The following ZMYM5 variants were observed in gnomAD, a reference collection of about 807,000 sequenced individuals.
The protein encoded by ZMYM5 is zinc finger MYM-type protein 5.
A neutral mutation model predicts 61.8 loss-of-function variants in ZMYM5; 41 were observed. The observed-to-expected ratio is 0.66, with a 90% CI of 0.52 to 0.86. The LOEUF (loss-of-function observed/expected upper bound fraction) is 0.86. Among genes scored for constraint, ZMYM5 ranks in the 40% least tolerant of loss-of-function variants. ZMYM5 has a pLI of 0.00. For missense variants in ZMYM5, 706 were observed against 786.7 expected (o/e 0.90, Z 1.23); for synonymous variants, 257 against 276.4 (o/e 0.93, Z 0.70).
intron 2 of ZMYM5, among the ~76,000 whole-genome samples, chr13:19,853,870 C>T (rs1953409140): frequency 6.6e-6 from 1 of 151,968 alleles, no homozygotes; most frequent in East Asian, 1.9e-4. Flanking sequence ...GTGTGAGCTA[C>T]CAGGCCTGGC....
At chr13:19,847,616 T>C (rs1191047849) in intron 4 of ZMYM5, among the ~76,000 whole-genome samples, 2 of 151,802 alleles carry the variant, frequency 1.3e-5, no homozygotes, top group East Asian at 3.9e-4. Context: ...TGGGTAATTA[T>C]TGTGAAATGA....
intron 4 of ZMYM5, among the ~76,000 whole-genome samples, chr13:19,840,430 G>C (rs1952827224): frequency 1.3e-5 from 2 of 152,228 alleles, no homozygotes; most frequent in Non-Finnish European, 2.9e-5. Flanking sequence ...CTGAAGTGCA[G>C]TGGCATGATC....
intron 2 of ZMYM5, among the ~76,000 whole-genome samples, chr13:19,856,980 C>G (rs1953537929): frequency 6.6e-6 from 1 of 152,028 alleles, no homozygotes; most frequent in Non-Finnish European, 1.5e-5. Context: ...GTGGTGGGCG[C>G]CTGTAGTCCC....
chr13:19,831,181 CA>C (rs1891197484), intron 7 of ZMYM5, among the ~76,000 whole-genome samples: 1 of 149,398 alleles, frequency 6.7e-6, no homozygotes, highest in South Asian at 2.1e-4. Context: ...GGCTGGAGTG[CA>C]ATGTCATAAT....
chr13:19,824,702 G>T lies in ZMYM5; in HGVS notation c.1785C>A (p.Leu595=). ...KDSVFCLYCK[L]FGEGKNQLKN... ...TCAGTTGATTTTTTCCTTCCCCAAAGAGTTTGCAATATAGACAAAACACAG... is the reference window on the plus strand; with the variant it reads ...TCAGTTGATTTTTTCCTTCCCCAAATAGTTTGCAATATAGACAAAACACAG... Residue 595 remains leucine (L), a synonymous_variant, in exon 8 of 8, where the codon CTC becomes CTA. Transcript: ENST00000337963. 2 of 1,352,758 alleles carry T rather than the reference G, an allele frequency of 1.5e-6. No homozygotes were observed. Among genetic ancestry groups the T allele is most frequent in the Non-Finnish European group, 9.8e-7 (1 of 1,015,616 alleles). 83.8% of individuals were successfully genotyped at this position (1,352,758 alleles called of 1,614,324 possible). A position where few individuals can be genotyped will look rare whatever the true frequency, so the allele number is the denominator to read the frequency against.
chr13:19,828,741 A>T (rs1891053510), intron 7 of ZMYM5, among the ~76,000 whole-genome samples: 1 of 152,172 alleles, frequency 6.6e-6, no homozygotes, highest in South Asian at 2.1e-4. Context: ...TTGGTAATTG[A>T]TTGGCTCTAG....
At chr13:19,851,188 C>T (rs1953278875) in intron 4 of ZMYM5, among the ~76,000 whole-genome samples, 167 bp downstream of exon 4, 1 of 152,170 alleles carries the variant, frequency 6.6e-6, no homozygotes, top group Admixed American at 6.6e-5. Context: ...GTACTCCAGC[C>T]AGCCTGGGTG....
intron 7 of ZMYM5, among the ~76,000 whole-genome samples, chr13:19,833,348 T>C (rs1322157572): frequency 6.6e-6 from 1 of 152,188 alleles, no homozygotes; most frequent in Non-Finnish European, 1.5e-5. Context: ...GCTCATTTAT[T>C]TCCACACAAA....
intron 4 of ZMYM5, among the ~76,000 whole-genome samples, chr13:19,850,568 T>G (rs1173167680): frequency 6.6e-6 from 1 of 151,712 alleles, no homozygotes; most frequent in African/African-American, 2.4e-5. Flanking sequence ...GCCATTGCAC[T>G]CCAGCCTGGG....
intron 7 of ZMYM5, among the ~76,000 whole-genome samples, chr13:19,825,850 G>A (rs1202515537): frequency 6.6e-6 from 1 of 151,966 alleles, no homozygotes; most frequent in Non-Finnish European, 1.5e-5. Context: ...AAACCAGCGT[G>A]GCAAATATGG....
intron 4 of ZMYM5, among the ~76,000 whole-genome samples, chr13:19,845,219 A>G (rs1276461584): frequency 6.6e-6 from 1 of 152,226 alleles, no homozygotes; most frequent in African/African-American, 2.4e-5. Context: ...GAGGTCAAGA[A>G]CAAAATAAGG....
At chr13:19,848,221 G>C (rs1953154112) in intron 4 of ZMYM5, among the ~76,000 whole-genome samples, 4 of 151,974 alleles carry the variant, frequency 2.6e-5, no homozygotes, top group Admixed American at 2.6e-4. Context: ...CTGACCTCAG[G>C]TGATCCGACA....
At chr13:19,828,181 G>A (rs756892434) in intron 7 of ZMYM5, among the ~76,000 whole-genome samples, 1 of 151,228 alleles carries the variant, frequency 6.6e-6, no homozygotes, top group Non-Finnish European at 1.5e-5. Flanking sequence ...AGTAAAAAAT[G>A]CAGAGGTGTG....
intron 7 of ZMYM5, among the ~76,000 whole-genome samples, chr13:19,832,814 G>C (rs1593852855): frequency 6.6e-6 from 1 of 151,868 alleles, no homozygotes; most frequent in Admixed American, 6.6e-5. Context: ...GCCCAGGGTG[G>C]AGTGTAATGG....
intron 7 of ZMYM5, among the ~76,000 whole-genome samples, chr13:19,828,310 C>T (rs1256613900): frequency 2.0e-5 from 3 of 151,994 alleles, no homozygotes; most frequent in Admixed American, 6.6e-5. Flanking sequence ...CCTGTTTCTA[C>T]TAAAAATACA....
chr13:19,837,725 T>G lies in ZMYM5; in HGVS notation c.969A>C (p.Glu323Asp), dbSNP rs776302864. ...FYSTSCLSPC[E>D]NNWNLKKGVF... ...CTCCTTTTTTAAGATTCCAGTTGTT[T>G]TCACAGGGAGACAAACAAGATGTAC... Residue 323 changes from glutamate to aspartate, a missense_variant, in exon 6 of 8, where the codon GAA (glutamate) becomes GAC (aspartate). Glu to Asp is a conservative substitution (Grantham distance 45). Around this residue, in one of 2 missense-constraint regions of ZMYM5, gnomAD observed 480 missense variants for 461.7 expected, o/e 1.04. Transcript: ENST00000337963. The G allele has an allele frequency of 6.3e-7, 1 of 1,580,134 alleles. No homozygotes were observed. The highest frequency in any genetic ancestry group is 2.3e-5 in the East Asian group (1 of 44,402).
At chr13:19,852,985 C>T (rs1953369869) in intron 2 of ZMYM5, among the ~76,000 whole-genome samples, 2 of 152,248 alleles carry the variant, frequency 1.3e-5, no homozygotes, top group South Asian at 4.1e-4. Context: ...GTAGGTAGGA[C>T]TACAGGCTCT....
intron 7 of ZMYM5, among the ~76,000 whole-genome samples, chr13:19,834,403 T>C (rs567198914): frequency 6.6e-6 from 1 of 151,936 alleles, no homozygotes; most frequent in African/African-American, 2.4e-5. Flanking sequence ...AAGAATTCAA[T>C]AAAAAATGGG....
At chr13:19,860,470 G>GTGTGTGTA (rs71070254) in intron 2 of ZMYM5, among the ~76,000 whole-genome samples, 3,794 of 136,226 alleles carry the variant, frequency 0.028, 87 homozygotes, top group Non-Finnish European at 0.035. Context: ...GTGTGTGTGT[G>GTGTGTGTA]TATTTTTTTT....
Sources: allele counts gnomAD v4.1 joint callset (sites outside exome capture counted in the v4.1 genomes callset), GRCh38; gene constraint gnomAD v4.1.1; regional missense constraint gnomAD v4.1.1; transcripts MANE v1.5; gene names NCBI Gene and HGNC (gene_info 2026-07-23, HGNC 2026-07-21).